The following ADAMTSL1 variants were observed in gnomAD, a reference collection of about 807,000 sequenced individuals.
The protein encoded by ADAMTSL1 is ADAMTS-like protein 1.
ADAMTSL1 carries 126 observed loss-of-function variants against 201.8 expected under a neutral mutation model. The ratio of observed to expected loss-of-function variants is 0.62; its 90% confidence interval spans 0.54 to 0.72. ADAMTSL1 has a LOEUF of 0.72. Among genes scored for constraint, ADAMTSL1 ranks in the 30% least tolerant of loss-of-function variants. The pLI is 0.00. For synonymous variants in ADAMTSL1, 1,121 were observed against 903.4 expected, an observed-to-expected ratio of 1.24 and a Z score of -4.32; for missense variants, 2,679 against 2,277.8, an observed-to-expected ratio of 1.18 and a Z score of -3.59.
In ADAMTSL1 at chr9:18,734,715, G is replaced by A. The variant is rs73417120; in HGVS notation, c.2006+13050G>A. 7.6e-3 allele frequency among the ~76,000 whole-genome samples: 1,162 copies of A among 152,222 alleles called. 12 individuals carry two copies. The highest frequency in any genetic ancestry group is 0.027 in the African/African-American group (1,109 of 41,534). On this transcript the variant is annotated intron_variant, in intron 15 of 28. Transcript: ENST00000380548. ...AAGGTGACCTTGAGAAGGTAACCAC[G>A]AGCTGAGTCTCTTGTTCTTAGAGCT...
Position 18,910,281 on chromosome 9 carries a change from A to G in ADAMTSL1, c.*1733A>G, listed in dbSNP as rs1563914062. 1.3e-5 allele frequency: 2 copies of G among 152,212 alleles called. No individual in the cohort carries two copies. Among genetic ancestry groups the G allele is most frequent in the Admixed American group, 6.5e-5 (1 of 15,282 alleles). 9.4% of individuals were successfully genotyped at this position (152,212 alleles called of 1,614,324 possible). ...CAGTGTAAAGTCTGTTTAAAATAAA[A>G]AAGAATGTTTTCTATGTCTGTATAT... On this transcript the variant is annotated 3_prime_UTR_variant, in exon 29 of 29. Transcript: ENST00000380548.
intron 20 of ADAMTSL1, among the ~76,000 whole-genome samples, chr9:18,811,036 C>CAAA (rs1823474426): frequency 2.3e-5 from 2 of 88,126 alleles, no homozygotes; most frequent in Non-Finnish European, 4.2e-5. Flanking sequence ...AAAAAAAAAA[C>CAAA]AAACACCAGC....
intron 1 of ADAMTSL1, among the ~76,000 whole-genome samples, chr9:18,085,188 GT>G (rs139433208): frequency 0.026 from 3,985 of 152,158 alleles, 57 homozygotes; most frequent in Middle Eastern, 0.044. Context: ...CATAGACTGT[GT>G]TTTTCCTGTG....
chr9:18,538,336 G>C (rs1262552325), intron 3 of ADAMTSL1, among the ~76,000 whole-genome samples: 2 of 152,100 alleles, frequency 1.3e-5, no homozygotes, highest in East Asian at 1.9e-4. Flanking sequence ...GGAGGCAAAG[G>C]CCGCGGCATT....
intron 2 of ADAMTSL1, among the ~76,000 whole-genome samples, chr9:18,506,326 G>A (rs537306528): frequency 6.6e-6 from 1 of 152,234 alleles, no homozygotes; most frequent in African/African-American, 2.4e-5. Context: ...CATCAGTAAA[G>A]CCAAAAAGTA....
chr9:18,691,823 G>A (rs1831237212), intron 13 of ADAMTSL1, among the ~76,000 whole-genome samples: 1 of 152,090 alleles, frequency 6.6e-6, no homozygotes. Context: ...GTTCTTCTGA[G>A]GTTTAAGTTA....
At chr9:18,830,077 G>A in intron 23 of ADAMTSL1, 100 bp downstream of exon 23, 5 of 1,458,152 alleles carry the variant, frequency 3.4e-6, no homozygotes, top group Admixed American at 2.3e-5. Context: ...GCAGTCGGGG[G>A]TGGCCAACAG....
chr9:18,907,355 A>G (rs1830374621), intron 28 of ADAMTSL1: 1 of 174,712 alleles, frequency 5.7e-6, no homozygotes, highest in Admixed American at 6.0e-5. Context: ...TTCTCACCCA[A>G]CAAGGACCAG....
intron 14 of ADAMTSL1, among the ~76,000 whole-genome samples, chr9:18,719,708 A>G (rs1833214809): frequency 6.6e-6 from 1 of 152,216 alleles, no homozygotes; most frequent in African/African-American, 2.4e-5. Context: ...TCAGACTTAC[A>G]AAGAAGAAAG....
chr9:18,197,949 T>G (rs562356367), intron 2 of ADAMTSL1, among the ~76,000 whole-genome samples: 17 of 152,042 alleles, frequency 1.1e-4, no homozygotes, highest in African/African-American at 4.1e-4. Flanking sequence ...TCAGAAATAA[T>G]GCCGCATATC....
At chr9:18,684,572 C>A in intron 12 of ADAMTSL1, 144 bp from the exon 13 acceptor site, 3 of 789,390 alleles carry the variant, frequency 3.8e-6, no homozygotes, top group Non-Finnish European at 5.6e-6. Flanking sequence ...TAGATATAAC[C>A]ATCATCAGAG....
In ADAMTSL1 at chr9:18,756,122, T is replaced by C. The variant is rs1219354740; in HGVS notation, c.2217+2614T>C. Among the ~76,000 whole-genome samples the C allele has an allele frequency of 1.7e-3, 150 of 85,856 alleles. 2 individuals carry two copies. Among genetic ancestry groups the C allele is most frequent in the Non-Finnish European group, 2.6e-3 (112 of 42,480 alleles). The allele number at this position is 85,856 out of a possible 152,430, so 56.3% of individuals were successfully genotyped here. A position where few individuals can be genotyped will look rare whatever the true frequency, so the allele number is the denominator to read the frequency against. On this transcript the variant is annotated intron_variant, in intron 16 of 28. Coordinates refer to ENST00000380548, the MANE Select transcript of ADAMTSL1 (RefSeq NM_001040272.6). ...ATATATATATATATATATATATATA[T>C]ACAAAAATTAGCCTGGTGTGGTGGC...
intron 15 of ADAMTSL1, among the ~76,000 whole-genome samples, chr9:18,741,565 G>A (rs1186227184): frequency 6.6e-6 from 1 of 152,232 alleles, no homozygotes; most frequent in African/African-American, 2.4e-5. Context: ...TCAAGGGAGT[G>A]TATTAATCTG....
chr9:17,975,096 C>A (rs2811814), intron 1 of ADAMTSL1, among the ~76,000 whole-genome samples: 2 of 152,036 alleles, frequency 1.3e-5, no homozygotes, highest in South Asian at 4.1e-4. Context: ...GTCTTTGATT[C>A]GTATTTCACA....
chr9:18,905,177 G>C (rs2131620327), intron 26 of ADAMTSL1, among the ~76,000 whole-genome samples: 1 of 152,324 alleles, frequency 6.6e-6, no homozygotes, highest in African/African-American at 2.4e-5. Context: ...TTCACAGACA[G>C]TTGTTGCTAG....
At chr9:18,015,150 C>G (rs1225037542) in intron 1 of ADAMTSL1, among the ~76,000 whole-genome samples, 1 of 151,962 alleles carries the variant, frequency 6.6e-6, no homozygotes, top group Non-Finnish European at 1.5e-5. Context: ...GGAAGTGAGA[C>G]TGGGAGAAAG....
intron 1 of ADAMTSL1, among the ~76,000 whole-genome samples, chr9:17,964,825 T>G (rs1002248483): frequency 3.3e-5 from 5 of 152,186 alleles, no homozygotes; most frequent in African/African-American, 1.2e-4. Context: ...GAAAATTATC[T>G]TGTTTAAAAA....
chr9:18,640,104 AT>A (rs1466478132), intron 7 of ADAMTSL1, among the ~76,000 whole-genome samples: 1 of 152,186 alleles, frequency 6.6e-6, no homozygotes, highest in Non-Finnish European at 1.5e-5. Context: ...GCCAGAGGAC[AT>A]TTGATTTAAG....
At chr9:18,657,568 G>C in intron 7 of ADAMTSL1, 71 bp from the exon 8 acceptor site, 1 of 1,185,870 alleles carries the variant, frequency 8.4e-7, no homozygotes, top group Non-Finnish European at 1.3e-6. Context: ...ATATACTCTT[G>C]TTCGAAGCTG....
Sources: allele counts gnomAD v4.1 joint callset (sites outside exome capture counted in the v4.1 genomes callset), GRCh38; gene constraint gnomAD v4.1.1; transcripts MANE v1.5; gene names NCBI Gene and HGNC (gene_info 2026-07-23, HGNC 2026-07-21).